TENM3: variants seen among roughly 807,000 people sequenced by gnomAD.
TENM3 encodes teneurin transmembrane protein 3.
TENM3 carries 63 observed loss-of-function variants against 255.1 expected under a neutral mutation model. The ratio of observed to expected loss-of-function variants is 0.25; its 90% CI spans 0.20 to 0.30. The LOEUF (loss-of-function observed/expected upper bound fraction) is 0.30, where lower values mean the gene tolerates loss of function less well. TENM3 is among the 10% of genes least tolerant of loss of function. The pLI, the probability that TENM3 is intolerant of heterozygous loss-of-function variation, is 1.00. For synonymous variants in TENM3, 1,306 were observed against 1,322.3 expected (o/e 0.99, Z 0.27); for missense variants, 2,929 against 3,461.1 (o/e 0.85, Z 3.86).
At chr4:182,773,730 G>A in intron 23 of TENM3, 83 bp downstream of exon 23, 1 of 1,222,522 alleles carries the variant, frequency 8.2e-7, no homozygotes, top group African/African-American at 1.5e-5. Context: ...AGGTGAACCA[G>A]AAAAGGGAAG....
At chr4:182,104,988 A>G in the TENM3 span, among the ~76,000 whole-genome samples, 1 of 152,118 alleles carries the variant, frequency 6.6e-6, no homozygotes, top group Non-Finnish European at 1.5e-5. Context: ...GAGACAGGAG[A>G]ATCACTTGAG....
the TENM3 span, among the ~76,000 whole-genome samples, chr4:182,053,176 A>AAT: frequency 9.2e-5 from 14 of 152,088 alleles, 1 homozygote; most frequent in Admixed American, 9.2e-4. Flanking sequence ...TATCTCAGGC[A>AAT]GCTGTGTAGG....
intron 3 of TENM3, among the ~76,000 whole-genome samples, chr4:182,473,256 GAT>G (rs1733307299): frequency 6.6e-6 from 1 of 152,176 alleles, no homozygotes; most frequent in African/African-American, 2.4e-5. Flanking sequence ...GGTCCTAAGA[GAT>G]AGAAACAAAG....
Position 182,743,379 on chromosome 4 carries a change from A to G in TENM3, c.3589A>G (p.Ile1197Val). 1 of 1,613,952 alleles carries G rather than the reference A, an allele frequency of 6.2e-7. No individual in the cohort carries two copies. Among genetic ancestry groups the G allele is most frequent in the Non-Finnish European group, 8.5e-7 (1 of 1,179,852 alleles). ...AGGCGATTTCAACTATGTGCGGCGG[A>G]TATTCCCTTCTGGAAATGTAACAAG... ...YVGDFNYVRR[I>V]FPSGNVTSVL... The change falls in exon 19 of 28, where the codon ATA (isoleucine) becomes GTA (valine). Residue 1197 changes from isoleucine to valine, a missense_variant. Physicochemically the swap from Ile to Val is conservative, Grantham distance 29. Around this residue, in one of 6 missense-constraint regions of TENM3, gnomAD observed 1,608 missense variants for 1,884.4 expected, o/e 0.85. Transcript: ENST00000511685.
At chr4:182,771,293 A>G (rs1331025007) in intron 22 of TENM3, among the ~76,000 whole-genome samples, 1 of 152,202 alleles carries the variant, frequency 6.6e-6, no homozygotes, top group Non-Finnish European at 1.5e-5. Context: ...GGCAGAGGAG[A>G]ATGAATCAGC....
At chr4:181,794,309 A>T in the TENM3 span, among the ~76,000 whole-genome samples, 1 of 151,440 alleles carries the variant, frequency 6.6e-6, no homozygotes, top group African/African-American at 2.4e-5. Flanking sequence ...AACAGTTAAG[A>T]TCTGCTCTCT....
chr4:182,243,890 G>A (rs1442451215), intron 1 of TENM3, among the ~76,000 whole-genome samples: 3 of 149,348 alleles, frequency 2.0e-5, no homozygotes, highest in African/African-American at 7.4e-5. Context: ...AGGGCTGACT[G>A]TCTTCTCAAA....
At chr4:182,679,197 TTAAAA>T (rs760298271) in intron 7 of TENM3, among the ~76,000 whole-genome samples, 5 of 145,762 alleles carry the variant, frequency 3.4e-5, no homozygotes, top group Admixed American at 6.9e-5. Flanking sequence ...ACCCCAGAAC[TTAAAA>T]TAAAATTTAA....
At chr4:181,903,903 TC>T in the TENM3 span, among the ~76,000 whole-genome samples, 1 of 152,120 alleles carries the variant, frequency 6.6e-6, no homozygotes, top group Admixed American at 6.5e-5. Context: ...TGCACTCGAG[TC>T]TTGGATGAGT....
chr4:182,171,947 A>G (rs557822560), intron 1 of TENM3, among the ~76,000 whole-genome samples: 1 of 150,716 alleles, frequency 6.6e-6, no homozygotes, highest in South Asian at 2.1e-4. Flanking sequence ...GTACCTTATT[A>G]GGAAAGGGTC....
At chr4:182,733,692 A>G (rs1206386093) in intron 16 of TENM3, among the ~76,000 whole-genome samples, 2 of 152,262 alleles carry the variant, frequency 1.3e-5, no homozygotes, top group African/African-American at 2.4e-5. Context: ...AAAGGCTGAC[A>G]GGCAAAGATG....
At chr4:182,167,934 T>C (rs912142633) in intron 1 of TENM3, among the ~76,000 whole-genome samples, 3 of 152,142 alleles carry the variant, frequency 2.0e-5, no homozygotes, top group Non-Finnish European at 4.4e-5. Flanking sequence ...AATTGTTTTA[T>C]GATACAGAAT....
At chr4:182,638,047 T>TG (rs1428218937) in intron 5 of TENM3, among the ~76,000 whole-genome samples, 1 of 151,838 alleles carries the variant, frequency 6.6e-6, no homozygotes, top group Non-Finnish European at 1.5e-5. Context: ...TTTTTTTTTT[T>TG]TAGTTTTCAT....
chr4:182,333,508 A>G (rs955638), intron 2 of TENM3, among the ~76,000 whole-genome samples: 41,782 of 152,020 alleles, frequency 0.27, 6,071 homozygotes, highest in Non-Finnish European at 0.32. Context: ...GATGATTTAC[A>G]CGTTTTGGAA....
At chr4:182,106,760 C>A in the TENM3 span, among the ~76,000 whole-genome samples, 4 of 152,132 alleles carry the variant, frequency 2.6e-5, no homozygotes, top group Non-Finnish European at 4.4e-5. Flanking sequence ...TAAGAGATTA[C>A]TATTAAATAG....
chr4:182,785,044 G>T (rs552710212), intron 24 of TENM3, among the ~76,000 whole-genome samples: 49 of 152,202 alleles, frequency 3.2e-4, no homozygotes, highest in African/African-American at 1.2e-3. Flanking sequence ...GCTGTAGACC[G>T]GAGCTGTTCC....
At chr4:182,020,377 A>T in the TENM3 span, among the ~76,000 whole-genome samples, 48 of 152,174 alleles carry the variant, frequency 3.2e-4, no homozygotes, top group African/African-American at 8.7e-4. Flanking sequence ...AAAAAAAATT[A>T]AAAAATAGTT....
chr4:181,504,085 C>T, the TENM3 span, among the ~76,000 whole-genome samples: 650 of 152,312 alleles, frequency 4.3e-3, 1 homozygote, highest in African/African-American at 0.015. Flanking sequence ...ACACTGGAGC[C>T]GCACTTGAGC....
chr4:182,354,314 C>G (rs928989806), intron 3 of TENM3, among the ~76,000 whole-genome samples: 13 of 152,226 alleles, frequency 8.5e-5, no homozygotes, highest in African/African-American at 2.9e-4. Flanking sequence ...ATGATGTATG[C>G]TATTTTGATT....
Sources: gnomAD v4.1 joint callset for allele counts (sites outside exome capture counted in the v4.1 genomes callset) on GRCh38, gnomAD v4.1.1 for gene constraint, gnomAD v4.1.1 regional missense constraint, MANE v1.5 for transcripts, NCBI Gene and HGNC (gene_info 2026-07-23, HGNC 2026-07-21) for gene names.